PPFIA1: variants seen among roughly 807,000 people sequenced by gnomAD.
The protein encoded by PPFIA1 is PPFI scaffold protein A1.
In PPFIA1, 25 loss-of-function variants were observed where a neutral mutation model predicts 149.9. The observed-to-expected ratio is 0.17, with a 90% confidence interval of 0.12 to 0.23. The LOEUF (loss-of-function observed/expected upper bound fraction) is 0.23, where lower values mean the gene tolerates loss of function less well. PPFIA1 is among the 10% of genes least tolerant of loss of function. The pLI is 1.00. For synonymous variants in PPFIA1, 549 were observed against 552.8 expected, an observed-to-expected ratio of 0.99 and a Z score of 0.10; for missense variants, 1,362 against 1,506.5, an observed-to-expected ratio of 0.90 and a Z score of 1.59.
chr11:70,287,045 G>T (rs1232368756), intron 2 of PPFIA1, among the ~76,000 whole-genome samples: 1 of 151,794 alleles, frequency 6.6e-6, no homozygotes, highest in Non-Finnish European at 1.5e-5. Flanking sequence ...TAGAGCAGGG[G>T]TCTTGCTATG....
At chr11:70,288,177 A>G (rs1421610323) in intron 2 of PPFIA1, among the ~76,000 whole-genome samples, 1 of 151,066 alleles carries the variant, frequency 6.6e-6, no homozygotes, top group African/African-American at 2.4e-5. Flanking sequence ...GGGTTCAAGC[A>G]GTTCTCTGCC....
intron 2 of PPFIA1, among the ~76,000 whole-genome samples, chr11:70,292,560 G>A (rs1454317092): frequency 2.0e-5 from 3 of 152,172 alleles, no homozygotes; most frequent in Non-Finnish European, 2.9e-5. Context: ...TAGCAAATTC[G>A]TATTGTCTAC....
At chr11:70,362,249 A>G in intron 20 of PPFIA1, 39 bp from the exon 21 acceptor site, 1 of 1,613,550 alleles carries the variant, frequency 6.2e-7, no homozygotes, top group Non-Finnish European at 8.5e-7. Context: ...TGTAGACTGT[A>G]CCTCACTGTG....
intron 2 of PPFIA1, among the ~76,000 whole-genome samples, chr11:70,295,522 C>A (rs1202608158): frequency 7.2e-6 from 1 of 139,372 alleles, no homozygotes; most frequent in Non-Finnish European, 1.6e-5. Flanking sequence ...ACCCCCCCCA[C>A]CTCCCTCCCG....
Position 70,281,110 on chromosome 11 carries a change from G to T in PPFIA1, c.264+8674G>T, listed in dbSNP as rs117511932. ...TAACTCTATTATATGGGTCACCTCCGGATCCATTTCTGTTTTTCTTTTTTC... is the reference window on the plus strand; with the variant it reads ...TAACTCTATTATATGGGTCACCTCCTGATCCATTTCTGTTTTTCTTTTTTC... On this transcript the variant is annotated intron_variant, in intron 2 of 27. Coordinates refer to ENST00000253925, the MANE Select transcript of PPFIA1 (RefSeq NM_003626.5). 1.8e-3 allele frequency among the ~76,000 whole-genome samples: 275 copies of T among 152,036 alleles called. 5 individuals carry two copies. In the East Asian group the frequency reaches 0.043, roughly 24 times the overall value.
In PPFIA1 at chr11:70,320,316, T is replaced by C. The variant is rs1241302126; in HGVS notation, c.265-4086T>C. ...GCATGGTAAGCCTGAATTGACTGGA[T>C]TTCACTGGCCACTGAGCCGCAGGCT... is the stretch of plus-strand genomic sequence containing the variant. On this transcript the variant is annotated intron_variant, in intron 2 of 27. Transcript: ENST00000253925. 1.3e-5 allele frequency: 2 copies of C among 152,214 alleles called. 1 individual carries two copies. The highest frequency in any genetic ancestry group is 2.9e-5 in the Non-Finnish European group (2 of 68,050). 9.4% of individuals were successfully genotyped at this position (152,214 alleles called of 1,614,324 possible). A position where few individuals can be genotyped will look rare whatever the true frequency, so the allele number is the denominator to read the frequency against.
chr11:70,295,553 G>C (rs1324958850), intron 2 of PPFIA1, among the ~76,000 whole-genome samples: 2 of 137,278 alleles, frequency 1.5e-5, no homozygotes, highest in African/African-American at 2.8e-5. Flanking sequence ...CTGGCCGGGC[G>C]GGGGGCTGAC....
At chr11:70,356,359 A>T in intron 19 of PPFIA1, 105 bp downstream of exon 19, 1 of 818,652 alleles carries the variant, frequency 1.2e-6, no homozygotes, top group African/African-American at 1.7e-5. Flanking sequence ...TATATACATT[A>T]TATTCTGAAA....
chr11:70,376,041 T>G (rs1425981066), intron 24 of PPFIA1, among the ~76,000 whole-genome samples: 2 of 152,198 alleles, frequency 1.3e-5, no homozygotes, highest in Middle Eastern at 3.4e-3. Flanking sequence ...CAGGCTGGAG[T>G]GCAATGGTGC....
At chr11:70,295,863 G>A (rs1188407199) in intron 2 of PPFIA1, among the ~76,000 whole-genome samples, 1 of 151,808 alleles carries the variant, frequency 6.6e-6, no homozygotes, top group Non-Finnish European at 1.5e-5. Flanking sequence ...CTGCTGGGCG[G>A]AGGGGCTCCT....
intron 2 of PPFIA1, among the ~76,000 whole-genome samples, chr11:70,286,187 C>T (rs1313392430): frequency 6.6e-6 from 1 of 152,132 alleles, no homozygotes; most frequent in East Asian, 1.9e-4. Context: ...TTGGCTCAAA[C>T]CATCTTTCCC....
chr11:70,311,813 A>G (rs1465903961), intron 2 of PPFIA1, among the ~76,000 whole-genome samples: 1 of 151,224 alleles, frequency 6.6e-6, no homozygotes, highest in African/African-American at 2.4e-5. Context: ...GTTTGTTTCA[A>G]ACATGGAAGG....
At chr11:70,299,230 C>T (rs2052306370) in intron 2 of PPFIA1, among the ~76,000 whole-genome samples, 1 of 151,778 alleles carries the variant, frequency 6.6e-6, no homozygotes, top group African/African-American at 2.4e-5. Flanking sequence ...CAGAGTGAGT[C>T]TCCGTCTCAA....
chr11:70,272,657 T>G (rs902165102), intron 2 of PPFIA1, among the ~76,000 whole-genome samples: 1 of 152,228 alleles, frequency 6.6e-6, no homozygotes, highest in African/African-American at 2.4e-5. Context: ...CTCATTATTT[T>G]CATTCCTATC....
At chr11:70,329,701 A>C (rs979910538) in intron 7 of PPFIA1, among the ~76,000 whole-genome samples, 2 of 152,186 alleles carry the variant, frequency 1.3e-5, no homozygotes, top group African/African-American at 4.8e-5. Context: ...AAGGCCAAGG[A>C]GGATCTCTTG....
intron 7 of PPFIA1, among the ~76,000 whole-genome samples, chr11:70,328,578 C>T (rs1305500417): frequency 6.6e-6 from 1 of 151,952 alleles, no homozygotes; most frequent in Non-Finnish European, 1.5e-5. Context: ...GATTTATATT[C>T]CTTTGGGTAT....
In PPFIA1 at chr11:70,378,081, C is replaced by A; in HGVS notation, c.3436C>A (p.Pro1146Thr). ...RAPSWRKKFR[P>T]KDIRGLAAGS... ...ACCTTCATGGAGAAAAAAGTTTAGA[C>A]CAAAGGACATTCGTGGCTTAGCTGC... The change falls in exon 26 of 28, where the codon CCA (proline) becomes ACA (threonine). Residue 1146 changes from proline to threonine, a missense_variant. Physicochemically the swap from Pro to Thr is conservative, Grantham distance 38 (BLOSUM62 -1). Coordinates refer to ENST00000253925, the MANE Select transcript of PPFIA1 (RefSeq NM_003626.5). The A allele has an allele frequency of 6.2e-7, 1 of 1,614,046 alleles. No homozygotes were observed. Among genetic ancestry groups the A allele is most frequent in the Non-Finnish European group, 8.5e-7 (1 of 1,179,980 alleles).
rs778334587 is a variant in PPFIA1, at chr11:70,355,648, C to T, written c.2325C>T (p.Gly775=). ...TTTTCTTTCCTCGAAGCTCCACAGG[C>T]TCCCAGGATGGTCCCGTGAGCAACC... ...EDIRDIRNST[G]SQDGPVSNPS... The change falls in exon 18 of 28, where the codon GGC becomes GGT. Residue 775 remains glycine (G), a synonymous_variant. Transcript: ENST00000253925. 21 of 1,605,440 alleles carry T rather than the reference C, an allele frequency of 1.3e-5. No homozygotes were observed. Among genetic ancestry groups the T allele is most frequent in the Non-Finnish European group, 1.8e-5 (21 of 1,177,548 alleles).
chr11:70,324,038 A>G (rs779128969), intron 2 of PPFIA1, among the ~76,000 whole-genome samples: 32 of 152,168 alleles, frequency 2.1e-4, no homozygotes, highest in Middle Eastern at 3.2e-3. Flanking sequence ...CTCTCCAGCA[A>G]CTCTAGATCA....
Sources: allele counts gnomAD v4.1 joint callset (sites outside exome capture counted in the v4.1 genomes callset), GRCh38; gene constraint gnomAD v4.1.1; transcripts MANE v1.5; gene names NCBI Gene and HGNC (gene_info 2026-07-23, HGNC 2026-07-21).